Variants in ARMC3 observed in about 807,000 individuals in gnomAD.
The protein encoded by ARMC3 is armadillo repeat-containing protein 3.
A neutral mutation model predicts 90.3 loss-of-function variants in ARMC3; 74 were observed. The observed-to-expected ratio is 0.82, with a 90% CI of 0.68 to 0.99. The LOEUF is 0.99. Among genes scored for constraint, ARMC3 ranks in the 50% least tolerant of loss-of-function variants. ARMC3 has a pLI of 0.00. For missense variants in ARMC3, 958 were observed against 1,042.8 expected, an observed-to-expected ratio of 0.92 and a Z score of 1.12; for synonymous variants, 334 against 361.8, an observed-to-expected ratio of 0.92 and a Z score of 0.87.
chr10:23,001,178 C>T (rs1394920909), intron 11 of ARMC3, among the ~76,000 whole-genome samples: 1 of 152,158 alleles, frequency 6.6e-6, no homozygotes, highest in Non-Finnish European at 1.5e-5. Context: ...CATCCAGCCT[C>T]AATCTTAGGG....
chr10:22,951,481 GA>G (rs938282667), intron 3 of ARMC3, among the ~76,000 whole-genome samples: 1 of 151,166 alleles, frequency 6.6e-6, no homozygotes, highest in African/African-American at 2.4e-5. Context: ...TTTTCAAGTG[GA>G]TACAGAACAT....
At chr10:22,953,764 A>G (rs576454413) in intron 3 of ARMC3, among the ~76,000 whole-genome samples, 1 of 152,354 alleles carries the variant, frequency 6.6e-6, no homozygotes, top group African/African-American at 2.4e-5. Context: ...AAAGGGATAG[A>G]ACTATCTCTA....
At chr10:22,995,305 C>G (rs183939297) in intron 10 of ARMC3, among the ~76,000 whole-genome samples, 1 of 152,134 alleles carries the variant, frequency 6.6e-6, no homozygotes, top group African/African-American at 2.4e-5. Context: ...CTGGGCTCTA[C>G]TTCTGTATAT....
chr10:22,975,341 G>C (rs1835873640), intron 8 of ARMC3, among the ~76,000 whole-genome samples: 2 of 152,162 alleles, frequency 1.3e-5, no homozygotes, highest in African/African-American at 2.4e-5. Flanking sequence ...GATCACCTGA[G>C]GTCAGGAGTT....
chr10:23,030,601 G>C lies in ARMC3; in HGVS notation c.2051G>C (p.Ser684Thr), dbSNP rs780847537. The C allele has an allele frequency of 3.7e-6, 6 of 1,611,506 alleles. No individual in the cohort carries two copies. The South Asian group carries it at 6.6e-5, about 18-fold the overall frequency. The change falls in exon 17 of 19, where the codon AGC (serine) becomes ACC (threonine). Residue 684 changes from serine to threonine, a missense_variant. Ser to Thr is a moderately conservative substitution (Grantham distance 58). Coordinates refer to ENST00000298032, the MANE Select transcript of ARMC3 (RefSeq NM_173081.5). ...SATKEKGWRK[S>T]KGKKEEEKVK... ...GCCCTTGTTTACTTTCAAAGGAAAA[G>C]CAAAGGAAAAAAAGAAGAGGAAAAA...
chr10:23,038,047 A>C lies in ARMC3; in HGVS notation c.*568A>C, dbSNP rs1011172107. On this transcript the variant is annotated 3_prime_UTR_variant, in exon 19 of 19. Transcript: ENST00000298032. Reference sequence around the variant, plus strand: ...TAAAAACACTTTAATATAGTGAATTAAAAATATTTCTAAAGTATATTTCCA... The same window carrying C: ...TAAAAACACTTTAATATAGTGAATTCAAAATATTTCTAAAGTATATTTCCA... 1 of 152,228 alleles carries C rather than the reference A, an allele frequency of 6.6e-6. No individual in the cohort carries two copies. The highest frequency in any genetic ancestry group is 2.4e-5 in the African/African-American group (1 of 41,480). The allele number at this position is 152,228 out of a possible 1,614,324, so 9.4% of individuals were successfully genotyped here. A position where few individuals can be genotyped will look rare whatever the true frequency, so the allele number is the denominator to read the frequency against.
chr10:22,941,034 T>C (rs1026436294), intron 2 of ARMC3, among the ~76,000 whole-genome samples: 4 of 152,018 alleles, frequency 2.6e-5, no homozygotes, highest in Non-Finnish European at 4.4e-5. Context: ...TAAAAACAAA[T>C]GAGATCCATG....
rs137938291 is a variant in ARMC3 at position 23,002,548 on chromosome 10, C to CTCTTTCTTTCTT, written c.1562+519_1562+530dup. 1.3e-3 allele frequency among the ~76,000 whole-genome samples: 198 copies of CTCTTTCTTTCTT among 147,564 alleles called. 1 individual carries two copies. The highest frequency in any genetic ancestry group is 4.7e-3 in the African/African-American group (186 of 39,892). Reference sequence around the variant, plus strand: ...TAGGGTTTTAAGTTTCATTTCTTTTCTCTTTCTTTCTTTCTTTCTTTCTTT... The same window carrying CTCTTTCTTTCTT: ...TAGGGTTTTAAGTTTCATTTCTTTTCTCTTTCTTTCTTTCTTTCTTTCTTTCTTTCTTTCTTT... On this transcript the variant is annotated intron_variant, in intron 12 of 18. Transcript: ENST00000298032.
intron 18 of ARMC3, among the ~76,000 whole-genome samples, chr10:23,033,687 A>G (rs983363039): frequency 6.6e-6 from 1 of 152,192 alleles, no homozygotes; most frequent in African/African-American, 2.4e-5. Flanking sequence ...GGGTAACATC[A>G]TTTTGAACCA....
chr10:22,980,190 G>T (rs915264023), intron 8 of ARMC3, among the ~76,000 whole-genome samples: 1 of 152,000 alleles, frequency 6.6e-6, no homozygotes, highest in African/African-American at 2.4e-5. Context: ...ATTATTATCA[G>T]CATTTTTTTG....
chr10:22,993,884 C>T (rs1045837897), intron 10 of ARMC3, among the ~76,000 whole-genome samples: 9 of 152,118 alleles, frequency 5.9e-5, no homozygotes, highest in South Asian at 2.1e-4. Flanking sequence ...GAGCCATAGA[C>T]GCTATTTGTG....
intron 1 of ARMC3, among the ~76,000 whole-genome samples, chr10:22,929,123 G>A (rs147429702): frequency 0.018 from 2,673 of 152,096 alleles, 80 homozygotes; most frequent in African/African-American, 0.061. Context: ...CTACTCAGGA[G>A]GCTGAGGCAG....
intron 8 of ARMC3, among the ~76,000 whole-genome samples, chr10:22,979,383 T>G (rs1836086754): frequency 6.6e-6 from 1 of 152,170 alleles, no homozygotes; most frequent in Non-Finnish European, 1.5e-5. Flanking sequence ...CTTTTAAGGT[T>G]TAGTGAACAC....
chr10:22,964,744 C>G (rs528528814), intron 7 of ARMC3, among the ~76,000 whole-genome samples: 1 of 149,868 alleles, frequency 6.7e-6, no homozygotes, highest in African/African-American at 2.5e-5. Context: ...CCCGGCCCCC[C>G]GTAGTGTTTT....
chr10:22,932,619 A>G (rs1344173043), intron 2 of ARMC3, among the ~76,000 whole-genome samples: 1 of 152,232 alleles, frequency 6.6e-6, no homozygotes, highest in African/African-American at 2.4e-5. Context: ...AATTATTGAA[A>G]GGTTGTGTTA....
intron 8 of ARMC3, among the ~76,000 whole-genome samples, chr10:22,978,105 A>G (rs1836010674): frequency 6.6e-6 from 1 of 152,160 alleles, no homozygotes; most frequent in Non-Finnish European, 1.5e-5. Context: ...ATCTGGCCAG[A>G]TCTACCATAT....
chr10:23,015,957 A>G (rs1480491579), intron 16 of ARMC3, among the ~76,000 whole-genome samples: 1 of 152,120 alleles, frequency 6.6e-6, no homozygotes, highest in Non-Finnish European at 1.5e-5. Flanking sequence ...GCCTTCATAG[A>G]ACTTACATCC....
At chr10:22,990,082 C>T (rs771042601) in intron 10 of ARMC3, among the ~76,000 whole-genome samples, 3 of 152,166 alleles carry the variant, frequency 2.0e-5, no homozygotes, top group East Asian at 1.9e-4. Context: ...TGCATAACCT[C>T]GTTTTAAAGT....
At chr10:22,943,384 C>T (rs1834397991) in intron 2 of ARMC3, among the ~76,000 whole-genome samples, 1 of 151,762 alleles carries the variant, frequency 6.6e-6, no homozygotes, top group Non-Finnish European at 1.5e-5. Context: ...CCTTTGTTTT[C>T]CCTTCTTTCT....
Sources: allele counts gnomAD v4.1 joint callset (sites outside exome capture counted in the v4.1 genomes callset), GRCh38; gene constraint gnomAD v4.1.1; transcripts MANE v1.5; gene names NCBI Gene and HGNC (gene_info 2026-07-23, HGNC 2026-07-21).